Variants in MYH11 observed in about 807,000 individuals in gnomAD.
MYH11 encodes the protein myosin heavy chain 11, also known as myosin-11.
A neutral mutation model predicts 246.6 loss-of-function variants in MYH11; 80 were observed. That is an observed-to-expected ratio of 0.32 (90% CI 0.27 to 0.39). The LOEUF (loss-of-function observed/expected upper bound fraction) is 0.39, where lower values mean the gene tolerates loss of function less well. MYH11 is among the 10% of genes least tolerant of loss of function. The pLI is 1.00. For missense variants in MYH11, 2,158 were observed against 2,546.8 expected (o/e 0.85, Z 3.29); for synonymous variants, 1,071 against 1,015.5 (o/e 1.05, Z -1.04).
chr16:15,725,331 A>T, intron 28 of MYH11: 1 of 561,708 alleles, frequency 1.8e-6, no homozygotes, highest in South Asian at 2.2e-5. Flanking sequence ...GAGACAAAGC[A>T]GCAGGTCTGA....
In MYH11 at chr16:15,719,839, A is replaced by ACGAGCATGGCTCTCAGTTCCAGGTGGCT. The variant is rs2040372374; in HGVS notation, c.4954-154_4954-127dup. 9 of 1,365,204 alleles carry ACGAGCATGGCTCTCAGTTCCAGGTGGCT rather than the reference A, an allele frequency of 6.6e-6. No individual in the cohort carries two copies. The East Asian group carries it at 2.1e-4, about 32-fold the overall frequency. 84.6% of individuals were successfully genotyped at this position (1,365,204 alleles called of 1,614,324 possible). ...TTGACCACAAAGAAGTTCCCATTGC[A>ACGAGCATGGCTCTCAGTTCCAGGTGGCT]CGAGCATGGCTCTCAGTTCCAGGTG... On this transcript the variant is annotated intron_variant, in intron 34 of 40. Coordinates refer to ENST00000300036, the MANE Select transcript of MYH11 (RefSeq NM_002474.3).
intron 3 of MYH11, among the ~76,000 whole-genome samples, chr16:15,802,302 T>C (rs76067182): frequency 0.03 from 4,598 of 152,276 alleles, 236 homozygotes; most frequent in African/African-American, 0.1. Flanking sequence ...TCTCAGCAGC[T>C]CCTGGGGTGG....
chr16:15,724,092 A>T lies in MYH11; in HGVS notation c.4365+69T>A, dbSNP rs2040622184. On this transcript the variant is annotated intron_variant, in intron 31 of 40. Coordinates refer to ENST00000300036, the MANE Select transcript of MYH11 (RefSeq NM_002474.3). The stretch of plus-strand genomic sequence containing the variant: ...CAGGCACAGGCCAGAGCCACGCGTC[A>T]TACTCTGCAGAGCTGATTCCCCAAC... 6 of 1,606,628 alleles carry T rather than the reference A, an allele frequency of 3.7e-6. No individual in the cohort carries two copies. The East Asian group carries it at 1.3e-4, about 36-fold the overall frequency.
intron 40 of MYH11, among the ~76,000 whole-genome samples, chr16:15,705,443 G>A (rs1040668520): frequency 2.0e-5 from 3 of 152,190 alleles, no homozygotes; most frequent in Non-Finnish European, 4.4e-5. Flanking sequence ...AGAGTGGGCA[G>A]AAGAAGGAAA....
chr16:15,771,860 T>A, intron 8 of MYH11, 148 bp from the exon 9 acceptor site: 2 of 1,019,458 alleles, frequency 2.0e-6, no homozygotes, highest in African/African-American at 1.6e-5. Flanking sequence ...CATCGTCACG[T>A]AGACAGCCTC....
At chr16:15,781,529 T>A (rs1292377110) in intron 6 of MYH11, among the ~76,000 whole-genome samples, 1 of 152,190 alleles carries the variant, frequency 6.6e-6, no homozygotes, top group African/African-American at 2.4e-5. Context: ...TCCTTCATCT[T>A]TTCTCACTAA....
At chr16:15,770,611 C>G (rs1222003670) in intron 9 of MYH11, among the ~76,000 whole-genome samples, 2 of 152,132 alleles carry the variant, frequency 1.3e-5, no homozygotes, top group African/African-American at 4.8e-5. Flanking sequence ...GATCACTCCC[C>G]CTCCCCTAAA....
At chr16:15,800,467 G>C (rs2042856110) in intron 3 of MYH11, among the ~76,000 whole-genome samples, 1 of 143,000 alleles carries the variant, frequency 7.0e-6, no homozygotes, top group South Asian at 2.2e-4. Context: ...TGTGTAGATG[G>C]GTAGATGGGT....
chr16:15,723,289 A>G (rs1258412532), intron 31 of MYH11, among the ~76,000 whole-genome samples: 1 of 152,180 alleles, frequency 6.6e-6, no homozygotes, highest in Non-Finnish European at 1.5e-5. Flanking sequence ...ATGTACTGAC[A>G]TCTGTAATTT....
chr16:15,731,307 CTGTT>C (rs113555980), intron 27 of MYH11, among the ~76,000 whole-genome samples: 1,588 of 152,270 alleles, frequency 0.01, 25 homozygotes, highest in African/African-American at 0.036. Context: ...TAGGACCAGA[CTGTT>C]TGGGTGCAAA....
chr16:15,817,433 A>G (rs1223617918), intron 3 of MYH11, among the ~76,000 whole-genome samples: 2 of 152,148 alleles, frequency 1.3e-5, no homozygotes, highest in Admixed American at 6.6e-5. Context: ...CAGAGGTTGC[A>G]GTGAGCAGAA....
At chr16:15,765,005 A>G (rs926046804) in intron 9 of MYH11, among the ~76,000 whole-genome samples, 1 of 152,214 alleles carries the variant, frequency 6.6e-6, no homozygotes, top group African/African-American at 2.4e-5. Context: ...AATAGTTTCT[A>G]TGTCTGAAAT....
intron 9 of MYH11, 120 bp from the exon 10 acceptor site, chr16:15,764,011 T>C (rs1313101968): frequency 1.3e-6 from 1 of 783,348 alleles, no homozygotes; most frequent in African/African-American, 1.7e-5. Flanking sequence ...CTGAAGAAAC[T>C]AGATTCTGAG....
At chr16:15,710,610 C>G (rs896323447) in intron 40 of MYH11, among the ~76,000 whole-genome samples, 2 of 151,898 alleles carry the variant, frequency 1.3e-5, no homozygotes, top group African/African-American at 2.4e-5. Context: ...GGCTGTATCC[C>G]CATCGCTCAG....
intron 1 of MYH11, among the ~76,000 whole-genome samples, chr16:15,856,333 TA>T (rs548513969): frequency 8.5e-5 from 12 of 140,836 alleles, no homozygotes; most frequent in South Asian, 2.3e-4. Context: ...CTAAACTGAT[TA>T]AAAAAAAAAA....
At chr16:15,785,053 T>C in intron 5 of MYH11, 1 of 196,218 alleles carries the variant, frequency 5.1e-6, no homozygotes, top group Non-Finnish European at 9.5e-6. Flanking sequence ...TCTCACTATG[T>C]CACCCAGGCT....
intron 3 of MYH11, among the ~76,000 whole-genome samples, chr16:15,806,664 G>A (rs1196200460): frequency 6.6e-6 from 1 of 152,086 alleles, no homozygotes; most frequent in African/African-American, 2.4e-5. Flanking sequence ...ACCTCTGAAT[G>A]ATTATAAATC....
intron 9 of MYH11, among the ~76,000 whole-genome samples, chr16:15,769,483 G>A (rs1220420701): frequency 6.6e-6 from 1 of 152,270 alleles, no homozygotes; most frequent in Non-Finnish European, 1.5e-5. Flanking sequence ...CTAGGTGACA[G>A]AGTGGTGTGA....
In MYH11 at chr16:15,724,143, A is replaced by G. The variant is rs756133234; in HGVS notation, c.4365+18T>C. ...CCAGCGTCCATGGCCAGAGTGGGGGACACCCCACGCCCTCTACCTGATCAA... is the reference window on the plus strand; with the variant it reads ...CCAGCGTCCATGGCCAGAGTGGGGGGCACCCCACGCCCTCTACCTGATCAA... On this transcript the variant is annotated intron_variant, in intron 31 of 40. Transcript: ENST00000300036. The G allele has an allele frequency of 6.2e-7, 1 of 1,612,286 alleles. No homozygotes were observed. The highest frequency in any genetic ancestry group is 8.5e-7 in the Non-Finnish European group (1 of 1,180,014).
Sources: gnomAD v4.1 joint callset for allele counts (sites outside exome capture counted in the v4.1 genomes callset) on GRCh38, gnomAD v4.1.1 for gene constraint, MANE v1.5 for transcripts, NCBI Gene and HGNC (gene_info 2026-07-23, HGNC 2026-07-21) for gene names.